Variants in CCSER1 observed in about 807,000 individuals in gnomAD.
The protein encoded by CCSER1 is serine-rich coiled-coil domain-containing protein 1.
CCSER1 carries 41 observed loss-of-function variants against 82.0 expected under a neutral mutation model. The observed-to-expected ratio is 0.50, with a 90% CI of 0.39 to 0.65. The LOEUF (loss-of-function observed/expected upper bound fraction) is 0.65. CCSER1 is among the 30% of genes least tolerant of loss of function. CCSER1 has a pLI of 0.00. For missense variants in CCSER1, 1,119 were observed against 1,064.2 expected (o/e 1.05, Z -0.72); for synonymous variants, 414 against 383.9 (o/e 1.08, Z -0.92).
chr4:91,441,208 A>G lies in CCSER1; in HGVS notation c.2218-157364A>G, dbSNP rs1282247085. Among the ~76,000 whole-genome samples the G allele has an allele frequency of 4.1e-3, 627 of 151,934 alleles. 2 individuals carry two copies. Among genetic ancestry groups the G allele is most frequent in the African/African-American group, 0.014 (592 of 41,366 alleles). ...ACCAATATCCTTGATGAACATTGAT[A>G]CAAAAATCCTCAATAAAATACTGGC... On this transcript the variant is annotated intron_variant, in intron 10 of 10. Transcript: ENST00000509176.
At chr4:91,228,873 G>T (rs1251948363) in intron 10 of CCSER1, among the ~76,000 whole-genome samples, 1 of 152,122 alleles carries the variant, frequency 6.6e-6, no homozygotes, top group East Asian at 1.9e-4. Context: ...GCATTCAGCT[G>T]GCCCCAGGAT....
chr4:90,929,917 T>TA (rs1729518364), intron 9 of CCSER1, among the ~76,000 whole-genome samples: 1 of 152,222 alleles, frequency 6.6e-6, no homozygotes, highest in African/African-American at 2.4e-5. Flanking sequence ...GTTGATGTGT[T>TA]AATTTGTTTG....
intron 10 of CCSER1, among the ~76,000 whole-genome samples, chr4:91,483,240 A>G (rs1234264421): frequency 6.6e-6 from 1 of 152,176 alleles, no homozygotes; most frequent in Non-Finnish European, 1.5e-5. Context: ...CTGATGGTAC[A>G]TACAGAAGCT....
At chr4:91,180,048 G>A (rs1017652891) in intron 10 of CCSER1, among the ~76,000 whole-genome samples, 1 of 152,214 alleles carries the variant, frequency 6.6e-6, no homozygotes, top group African/African-American at 2.4e-5. Flanking sequence ...CCCAGCTGCA[G>A]GTCTATTGGA....
chr4:90,618,502 G>T (rs1000279737), intron 5 of CCSER1, among the ~76,000 whole-genome samples: 2 of 151,678 alleles, frequency 1.3e-5, no homozygotes, highest in Non-Finnish European at 3.0e-5. Flanking sequence ...TAAAAATTTT[G>T]CATACTAGCT....
chr4:90,913,178 C>T lies in CCSER1; in HGVS notation c.2095-10192C>T, dbSNP rs540953879. Among the ~76,000 whole-genome samples, 8 of 152,186 alleles carry T rather than the reference C, an allele frequency of 5.3e-5. No individual in the cohort carries two copies. In the East Asian group the frequency reaches 1.6e-3, roughly 30 times the overall value. On this transcript the variant is annotated intron_variant, in intron 8 of 10. Coordinates refer to ENST00000509176, the MANE Select transcript of CCSER1 (RefSeq NM_001145065.2). ...CCTCGAGAAGAGCTACTCCAAGACA[C>T]GTAGTTGTCAGAACCAAAGTTAAAA...
At chr4:90,455,748 T>C (rs941360957) in intron 4 of CCSER1, among the ~76,000 whole-genome samples, 104 of 152,310 alleles carry the variant, frequency 6.8e-4, no homozygotes, top group African/African-American at 2.5e-3. Context: ...CTAATCCTCC[T>C]GCTTTTGGTA....
chr4:91,139,141 T>G (rs1206281628), intron 10 of CCSER1, among the ~76,000 whole-genome samples: 1 of 152,190 alleles, frequency 6.6e-6, no homozygotes, highest in East Asian at 1.9e-4. Context: ...GTATTTGGTT[T>G]TCTGCTCTTG....
At chr4:91,179,217 G>A (rs1414113092) in intron 10 of CCSER1, among the ~76,000 whole-genome samples, 1 of 152,202 alleles carries the variant, frequency 6.6e-6, no homozygotes, top group South Asian at 2.1e-4. Flanking sequence ...CAACCTTTCT[G>A]TCTGGCTGCC....
chr4:90,920,076 T>G (rs1041686483), intron 8 of CCSER1, among the ~76,000 whole-genome samples: 1 of 151,840 alleles, frequency 6.6e-6, no homozygotes, highest in African/African-American at 2.4e-5. Context: ...GAAGAAGGAA[T>G]GACAATGTCT....
intron 7 of CCSER1, among the ~76,000 whole-genome samples, chr4:90,790,123 G>A (rs1451119053): frequency 6.6e-6 from 1 of 151,978 alleles, no homozygotes; most frequent in Non-Finnish European, 1.5e-5. Flanking sequence ...ACCCATCTTA[G>A]TTTAAATCTT....
intron 8 of CCSER1, among the ~76,000 whole-genome samples, chr4:90,901,024 G>C (rs1379598239): frequency 6.6e-6 from 1 of 151,776 alleles, no homozygotes; most frequent in East Asian, 1.9e-4. Context: ...GAATCATTTA[G>C]CATCACATAA....
chr4:90,137,321 A>G (rs900438264), intron 1 of CCSER1, among the ~76,000 whole-genome samples: 4 of 152,222 alleles, frequency 2.6e-5, no homozygotes, highest in Admixed American at 6.5e-5. Flanking sequence ...AAGTATAAAT[A>G]TAGGGGAATT....
intron 10 of CCSER1, among the ~76,000 whole-genome samples, chr4:91,236,036 T>TTTCCA (rs57818163): frequency 6.6e-6 from 1 of 151,288 alleles, no homozygotes; most frequent in Non-Finnish European, 1.5e-5. Context: ...AATTTTTTAT[T>TTTCCA]AAAATCATAT....
chr4:90,932,862 G>T (rs1418442217), intron 9 of CCSER1, among the ~76,000 whole-genome samples: 5 of 108,160 alleles, frequency 4.6e-5, no homozygotes, highest in Non-Finnish European at 7.4e-5. Context: ...ATGTTGTTCC[G>T]TCTCAAGAAA....
intron 4 of CCSER1, among the ~76,000 whole-genome samples, chr4:90,438,548 A>T (rs777491098): frequency 6.6e-6 from 1 of 152,218 alleles, no homozygotes; most frequent in Non-Finnish European, 1.5e-5. Flanking sequence ...TAATGAAAAG[A>T]GACAAATTTA....
At chr4:90,831,935 T>C (rs1426011247) in intron 8 of CCSER1, among the ~76,000 whole-genome samples, 2 of 152,124 alleles carry the variant, frequency 1.3e-5, no homozygotes, top group Non-Finnish European at 2.9e-5. Context: ...TGATAATGGC[T>C]ATATGTTTTG....
At chr4:91,208,724 T>G (rs1345733051) in intron 10 of CCSER1, among the ~76,000 whole-genome samples, 1 of 152,046 alleles carries the variant, frequency 6.6e-6, no homozygotes, top group East Asian at 1.9e-4. Context: ...TCTGTATGAA[T>G]TTTAGAATAG....
intron 10 of CCSER1, among the ~76,000 whole-genome samples, chr4:91,568,458 TTCTA>T: frequency 6.6e-6 from 1 of 152,200 alleles, no homozygotes; most frequent in Non-Finnish European, 1.5e-5. Context: ...GTTGTTTGCT[TTCTA>T]CCCTTTCCTT....
Sources: allele counts gnomAD v4.1 joint callset (sites outside exome capture counted in the v4.1 genomes callset), GRCh38; gene constraint gnomAD v4.1.1; transcripts MANE v1.5; gene names NCBI Gene and HGNC (gene_info 2026-07-23, HGNC 2026-07-21).